Variants in SPAG16 observed in about 807,000 individuals in gnomAD.
SPAG16 encodes sperm associated antigen 16, also known as sperm-associated antigen 16 protein.
In SPAG16, 86 loss-of-function variants were observed where a neutral mutation model predicts 80.4. The observed-to-expected ratio is 1.07, with a 90% CI of 0.90 to 1.28. The LOEUF is 1.28. Ranked by LOEUF, SPAG16 falls within the 50% of genes most tolerant of loss-of-function variation. The pLI is 0.00. For missense variants in SPAG16, 870 were observed against 765.3 expected, an observed-to-expected ratio of 1.14 and a Z score of -1.61; for synonymous variants, 294 against 265.9, an observed-to-expected ratio of 1.11 and a Z score of -1.03.
chr2:213,574,395 C>T (rs943631485), intron 10 of SPAG16, among the ~76,000 whole-genome samples: 1 of 151,996 alleles, frequency 6.6e-6, no homozygotes, highest in African/African-American at 2.4e-5. Context: ...AGACAAGGAG[C>T]ACTCTACATC....
chr2:213,979,775 A>G (rs966379500), intron 12 of SPAG16, among the ~76,000 whole-genome samples: 9 of 152,078 alleles, frequency 5.9e-5, no homozygotes, highest in Non-Finnish European at 1.3e-4. Flanking sequence ...CTAAAATCTT[A>G]TGCCTTTTCT....
At chr2:213,859,178 CAAAAAAAAAAAAAAA>C (rs1165853142) in intron 10 of SPAG16, among the ~76,000 whole-genome samples, 8 of 9,374 alleles carry the variant, frequency 8.5e-4, no homozygotes, top group African/African-American at 3.4e-3. Context: ...CACTCCGTCT[CAAAAAAAAAAAAAAA>C]AAAAAAAAAA....
chr2:214,240,961 A>G (rs1203066517), intron 15 of SPAG16: 1 of 152,194 alleles, frequency 6.6e-6, no homozygotes, highest in East Asian at 1.9e-4. Flanking sequence ...AATTATATCT[A>G]CAGTCTCAAC....
chr2:213,586,448 C>T (rs1026582212), intron 10 of SPAG16, among the ~76,000 whole-genome samples: 5 of 152,196 alleles, frequency 3.3e-5, no homozygotes. Flanking sequence ...GGCACCACCT[C>T]CTAACACTAT....
chr2:213,972,460 C>G (rs1575689792), intron 12 of SPAG16, among the ~76,000 whole-genome samples: 1 of 152,216 alleles, frequency 6.6e-6, no homozygotes, highest in East Asian at 1.9e-4. Context: ...GCACTGATAC[C>G]TGATGCAGGA....
intron 15 of SPAG16, among the ~76,000 whole-genome samples, chr2:214,406,930 TCA>T (rs1702027554): frequency 6.6e-6 from 1 of 152,128 alleles, no homozygotes; most frequent in Non-Finnish European, 1.5e-5. Context: ...TCATAATCAC[TCA>T]GTGTTGATAT....
chr2:214,342,249 A>G (rs1697753813), intron 15 of SPAG16, among the ~76,000 whole-genome samples: 1 of 152,214 alleles, frequency 6.6e-6, no homozygotes. Context: ...AGGGGTTCCC[A>G]AACCCATGAC....
At chr2:213,934,740 T>G (rs2078915591) in intron 12 of SPAG16, among the ~76,000 whole-genome samples, 1 of 152,194 alleles carries the variant, frequency 6.6e-6, no homozygotes, top group African/African-American at 2.4e-5. Context: ...ATTTCCTCAT[T>G]CTTGCCCCCT....
At chr2:214,251,169 GT>G (rs1690264830) in intron 15 of SPAG16, among the ~76,000 whole-genome samples, 1 of 151,058 alleles carries the variant, frequency 6.6e-6, no homozygotes, top group Non-Finnish European at 1.5e-5. Flanking sequence ...ACAAGTTAGG[GT>G]TTGGGTGAAT....
intron 13 of SPAG16, among the ~76,000 whole-genome samples, chr2:214,105,248 A>G (rs2053322481): frequency 6.6e-6 from 1 of 152,154 alleles, no homozygotes; most frequent in South Asian, 2.1e-4. Flanking sequence ...GCAAATAGAC[A>G]TTCAAAGTTG....
intron 10 of SPAG16, among the ~76,000 whole-genome samples, chr2:213,723,713 T>A (rs1162708375): frequency 6.6e-6 from 1 of 152,228 alleles, no homozygotes; most frequent in Non-Finnish European, 1.5e-5. Context: ...TTTTAGGTTA[T>A]GAAACAAGTT....
At chr2:213,298,475 C>T (rs1164446398) in intron 3 of SPAG16, among the ~76,000 whole-genome samples, 7 of 152,100 alleles carry the variant, frequency 4.6e-5, no homozygotes, top group Non-Finnish European at 1.0e-4. Flanking sequence ...CTTTATGTAC[C>T]ACTCATTTGT....
At chr2:213,765,167 G>C (rs968204633) in intron 10 of SPAG16, among the ~76,000 whole-genome samples, 1 of 152,190 alleles carries the variant, frequency 6.6e-6, no homozygotes, top group Non-Finnish European at 1.5e-5. Context: ...TCAGGAGACC[G>C]AGACCATCCT....
chr2:214,083,358 GA>G (rs1322381378), intron 13 of SPAG16, among the ~76,000 whole-genome samples: 1 of 152,094 alleles, frequency 6.6e-6, no homozygotes, highest in Admixed American at 6.6e-5. Flanking sequence ...CTGAGTTAAG[GA>G]GGCAGTTTTT....
intron 9 of SPAG16, among the ~76,000 whole-genome samples, chr2:213,419,735 G>T (rs963566561): frequency 1.3e-5 from 2 of 152,070 alleles, no homozygotes; most frequent in Non-Finnish European, 2.9e-5. Flanking sequence ...GGACTACATT[G>T]TGGTTTGCCA....
chr2:213,960,474 T>C (rs1178816485), intron 12 of SPAG16, among the ~76,000 whole-genome samples: 3 of 152,170 alleles, frequency 2.0e-5, no homozygotes, highest in Non-Finnish European at 4.4e-5. Flanking sequence ...AACTAGATAG[T>C]TGAATCTAAT....
chr2:213,542,154 A>G (rs1471207864), intron 10 of SPAG16, among the ~76,000 whole-genome samples: 4 of 152,242 alleles, frequency 2.6e-5, no homozygotes, highest in Non-Finnish European at 4.4e-5. Context: ...TGTCTCATAT[A>G]TAAGTGAATA....
chr2:214,268,208 A>C (rs768947733), intron 15 of SPAG16, among the ~76,000 whole-genome samples: 6 of 151,870 alleles, frequency 4.0e-5, no homozygotes, highest in Non-Finnish European at 7.4e-5. Flanking sequence ...ACCCTCATAC[A>C]CTGTAGGTGG....
intron 10 of SPAG16, among the ~76,000 whole-genome samples, chr2:213,520,314 TG>T (rs2075610826): frequency 6.6e-6 from 1 of 151,908 alleles, no homozygotes; most frequent in Non-Finnish European, 1.5e-5. Flanking sequence ...TGGCCAAGCG[TG>T]GTGGCTCACG....
Sources: gnomAD v4.1 joint callset for allele counts (sites outside exome capture counted in the v4.1 genomes callset) on GRCh38, gnomAD v4.1.1 for gene constraint, MANE v1.5 for transcripts, NCBI Gene and HGNC (gene_info 2026-07-23, HGNC 2026-07-21) for gene names.